The following SBF2 variants were observed in gnomAD, a reference collection of about 807,000 sequenced individuals.
SBF2 encodes the protein SET binding factor 2, also known as myotubularin-related protein 13.
Under a neutral mutation model 225.2 loss-of-function variants are expected in SBF2, and 112 were observed. The ratio of observed to expected loss-of-function variants is 0.50; its 90% CI spans 0.43 to 0.58. The LOEUF (loss-of-function observed/expected upper bound fraction) is 0.58. Among genes scored for constraint, SBF2 ranks in the 20% least tolerant of loss-of-function variants. The pLI is 0.00. For missense variants in SBF2, 1,996 were observed against 2,206.2 expected, an observed-to-expected ratio of 0.90 and a Z score of 1.91; for synonymous variants, 763 against 773.3, an observed-to-expected ratio of 0.99 and a Z score of 0.22.
chr11:9,865,534 A>C (rs1840710705), intron 17 of SBF2, among the ~76,000 whole-genome samples: 1 of 150,044 alleles, frequency 6.7e-6, no homozygotes. Flanking sequence ...TACTAAAAAC[A>C]TAAAAATTAG....
intron 28 of SBF2, among the ~76,000 whole-genome samples, chr11:9,824,561 CAAA>C (rs112827651): frequency 1.1e-4 from 7 of 61,808 alleles, no homozygotes; most frequent in Admixed American, 1.8e-4. Flanking sequence ...GACTCCATCT[CAAA>C]AAAAAAAAAA....
intron 2 of SBF2, among the ~76,000 whole-genome samples, chr11:10,183,470 A>G (rs1591161156): frequency 1.3e-5 from 2 of 152,210 alleles, no homozygotes; most frequent in East Asian, 3.8e-4. Context: ...CACGGTTTTG[A>G]CATTCTCTCT....
intron 2 of SBF2, among the ~76,000 whole-genome samples, chr11:10,155,889 C>A (rs1053447213): frequency 6.6e-6 from 1 of 152,194 alleles, no homozygotes; most frequent in East Asian, 1.9e-4. Context: ...GTGGCAGTGG[C>A]CAGTTTGGAG....
chr11:9,922,260 A>G (rs1217670051), intron 16 of SBF2, among the ~76,000 whole-genome samples: 1 of 152,144 alleles, frequency 6.6e-6, no homozygotes, highest in Admixed American at 6.5e-5. Context: ...AAAAAAAGAA[A>G]AAGGAAAAAA....
intron 16 of SBF2, among the ~76,000 whole-genome samples, chr11:9,951,495 A>G (rs1251878086): frequency 1.3e-5 from 2 of 152,216 alleles, no homozygotes; most frequent in Admixed American, 6.5e-5. Context: ...GCAGATGAGT[A>G]AGACTGCCTA....
intron 1 of SBF2, among the ~76,000 whole-genome samples, chr11:10,233,752 G>A (rs1406179711): frequency 6.6e-5 from 10 of 152,188 alleles, no homozygotes; most frequent in East Asian, 1.9e-4. Flanking sequence ...TCAGCATTCC[G>A]GTTAAAACTA....
chr11:10,294,794 G>A (rs1007150563), upstream of SBF2, among the ~76,000 whole-genome samples: 24 of 152,340 alleles, frequency 1.6e-4, no homozygotes, highest in Admixed American at 1.0e-3. Flanking sequence ...GGAGCGCCCG[G>A]GAGAGCCAGA....
intron 16 of SBF2, chr11:9,915,626 C>T (rs1863020688): frequency 6.6e-6 from 1 of 151,826 alleles, no homozygotes; most frequent in South Asian, 2.1e-4. Context: ...AAAGACCAGA[C>T]TTAAGGTTCC....
chr11:10,113,748 A>G (rs890684085), intron 2 of SBF2, among the ~76,000 whole-genome samples: 5 of 151,988 alleles, frequency 3.3e-5, no homozygotes, highest in Non-Finnish European at 7.4e-5. Flanking sequence ...AAGTTTTGGG[A>G]AAATTCACAA....
At chr11:9,818,057 T>A (rs1854554430) in intron 28 of SBF2, among the ~76,000 whole-genome samples, 1 of 152,222 alleles carries the variant, frequency 6.6e-6, no homozygotes. Context: ...GCGATTCTCC[T>A]GCCTCAGCCT....
At chr11:10,120,352 ACTT>A (rs1299295225) in intron 2 of SBF2, among the ~76,000 whole-genome samples, 1 of 152,150 alleles carries the variant, frequency 6.6e-6, no homozygotes, top group African/African-American at 2.4e-5. Context: ...GGTTGCTTCT[ACTT>A]CTTGGCTGCA....
chr11:10,071,941 G>A (rs1419399337), intron 2 of SBF2, among the ~76,000 whole-genome samples: 9 of 152,100 alleles, frequency 5.9e-5, no homozygotes, highest in Admixed American at 5.9e-4. Context: ...GAAATTTGTA[G>A]GGAAATCATT....
intron 2 of SBF2, among the ~76,000 whole-genome samples, chr11:10,075,438 G>T (rs1007275348): frequency 3.9e-5 from 6 of 152,278 alleles, no homozygotes; most frequent in South Asian, 2.1e-4. Context: ...GATATGGTTT[G>T]GTTCTGTGTC....
At chr11:10,012,536 G>A (rs980098714) in intron 6 of SBF2, among the ~76,000 whole-genome samples, 1 of 152,106 alleles carries the variant, frequency 6.6e-6, no homozygotes, top group Non-Finnish European at 1.5e-5. Context: ...TTTGACCACT[G>A]TCATTATATT....
chr11:10,097,696 G>GA (rs1952086619), intron 2 of SBF2, among the ~76,000 whole-genome samples: 1 of 151,948 alleles, frequency 6.6e-6, no homozygotes, highest in Admixed American at 6.6e-5. Context: ...CACCCCAGTA[G>GA]AAAAAAAGCT....
intron 2 of SBF2, among the ~76,000 whole-genome samples, chr11:10,094,545 TTG>T (rs1555021206): frequency 6.7e-6 from 1 of 149,344 alleles, no homozygotes; most frequent in Admixed American, 6.7e-5. Flanking sequence ...TTTTTTTTTT[TTG>T]AGACAGAGTT....
chr11:9,966,283 T>C (rs1430369027), intron 14 of SBF2, among the ~76,000 whole-genome samples: 1 of 152,216 alleles, frequency 6.6e-6, no homozygotes, highest in South Asian at 2.1e-4. Flanking sequence ...AGAGATGGAG[T>C]TTCACCGTGT....
chr11:9,877,281 T>C (rs1214193771), intron 17 of SBF2, among the ~76,000 whole-genome samples: 2 of 152,216 alleles, frequency 1.3e-5, no homozygotes, highest in Admixed American at 6.5e-5. Flanking sequence ...AAATGTATTA[T>C]ATGAAGTAAG....
At chr11:10,223,694 C>T (rs1382192169) in intron 1 of SBF2, among the ~76,000 whole-genome samples, 1 of 151,808 alleles carries the variant, frequency 6.6e-6, no homozygotes, top group Non-Finnish European at 1.5e-5. Context: ...CTTCCAGCAT[C>T]GCTAGTGGCA....
Sources: allele counts gnomAD v4.1 joint callset (sites outside exome capture counted in the v4.1 genomes callset), GRCh38; gene constraint gnomAD v4.1.1; transcripts MANE v1.5; gene names NCBI Gene and HGNC (gene_info 2026-07-23, HGNC 2026-07-21).